TOPAZ1: variants seen among roughly 807,000 people sequenced by gnomAD.
TOPAZ1 encodes testis and ovary specific TOPAZ 1.
Under a neutral mutation model 172.2 loss-of-function variants are expected in TOPAZ1, and 66 were observed. The ratio of observed to expected loss-of-function variants is 0.38; its 90% CI spans 0.31 to 0.47. The LOEUF (loss-of-function observed/expected upper bound fraction) is 0.47. Ranked by LOEUF, TOPAZ1 falls within the 20% of genes least tolerant of loss-of-function variation. The pLI, the probability that TOPAZ1 is intolerant of heterozygous loss-of-function variation, is 0.99. For missense variants in TOPAZ1, 1,822 were observed against 1,972.4 expected (o/e 0.92, Z 1.44); for synonymous variants, 681 against 683.9 (o/e 1.00, Z 0.07).
intron 11 of TOPAZ1, among the ~76,000 whole-genome samples, chr3:44,289,477 A>G (rs549746785): frequency 8.9e-5 from 13 of 146,736 alleles, no homozygotes; most frequent in African/African-American, 2.9e-4. Flanking sequence ...AGTCATTTTT[A>G]CAGGATTTTT....
chr3:44,326,257 T>A (rs557959946), intron 18 of TOPAZ1, among the ~76,000 whole-genome samples: 280 of 152,336 alleles, frequency 1.8e-3, no homozygotes, highest in African/African-American at 6.4e-3. Context: ...CATTTTATAT[T>A]TATATTCCCA....
At chr3:44,287,324 C>T in intron 9 of TOPAZ1, 65 bp from the exon 10 acceptor site, 1 of 934,786 alleles carries the variant, frequency 1.1e-6, no homozygotes, top group Non-Finnish European at 1.4e-6. Flanking sequence ...GAAAAATTAT[C>T]AAATTTAAGA....
chr3:44,298,905 ATATATTTTTT>A (rs1309532795), intron 12 of TOPAZ1, among the ~76,000 whole-genome samples: 10 of 12,690 alleles, frequency 7.9e-4, no homozygotes, highest in African/African-American at 2.9e-3. Context: ...ATATATATAT[ATATATTTTTT>A]TTTTTTTTTT....
intron 4 of TOPAZ1, among the ~76,000 whole-genome samples, chr3:44,257,352 GGTGT>G (rs59827431): frequency 0.019 from 2,057 of 110,264 alleles, 21 homozygotes; most frequent in African/African-American, 0.026. Flanking sequence ...AAAACATAGG[GGTGT>G]GTGTGTGTGT....
chr3:44,273,784 A>G (rs759835603), intron 8 of TOPAZ1, among the ~76,000 whole-genome samples: 26 of 152,218 alleles, frequency 1.7e-4, no homozygotes, highest in Non-Finnish European at 3.2e-4. Context: ...ACACAAGCAA[A>G]CAAATCAATG....
In TOPAZ1 at chr3:44,274,282, G is replaced by A. The variant is rs528986824; in HGVS notation, c.3372+3472G>A. Among the ~76,000 whole-genome samples, 631 of 151,446 alleles carry A rather than the reference G, an allele frequency of 4.2e-3. 10 individuals carry two copies. Among genetic ancestry groups the A allele is most frequent in the African/African-American group, 0.015 (601 of 41,310 alleles). The stretch of plus-strand genomic sequence containing the variant: ...AAATTAGCTGGGCATGGTGGTGGGC[G>A]CCCAGCTACTTGGGAGGCTGAGGTA... On this transcript the variant is annotated intron_variant, in intron 8 of 19. Coordinates refer to ENST00000309765, the MANE Select transcript of TOPAZ1 (RefSeq NM_001145030.2).
chr3:44,285,076 G>A (rs963085132), intron 9 of TOPAZ1, among the ~76,000 whole-genome samples: 2 of 152,162 alleles, frequency 1.3e-5, no homozygotes, highest in Non-Finnish European at 2.9e-5. Flanking sequence ...TGATTCACTA[G>A]AATTATGCAT....
At chr3:44,320,556 CCACTG>C (rs764462722) in intron 16 of TOPAZ1, among the ~76,000 whole-genome samples, 13 of 152,130 alleles carry the variant, frequency 8.5e-5, no homozygotes, top group Admixed American at 6.5e-4. Flanking sequence ...CAAGATTGCG[CCACTG>C]CACTGCACTC....
rs1001667291 is a variant in TOPAZ1 at position 44,305,094 on chromosome 3, G to T, written c.3865-53G>T. ...GCCCTAAAGACATGTTTGCATAAAT[G>T]ACATAGTTTTCATTCTTTTTCTTTT... On this transcript the variant is annotated intron_variant, in intron 13 of 19. Coordinates refer to ENST00000309765, the MANE Select transcript of TOPAZ1 (RefSeq NM_001145030.2). 4 of 1,308,802 alleles carry T rather than the reference G, an allele frequency of 3.1e-6. No homozygotes were observed. In the Admixed American group the frequency reaches 1.1e-4, roughly 37 times the overall value. The allele number at this position is 1,308,802 out of a possible 1,614,324, so 81.1% of individuals were successfully genotyped here.
chr3:44,267,684 A>G (rs915004329), intron 6 of TOPAZ1, among the ~76,000 whole-genome samples: 1 of 152,204 alleles, frequency 6.6e-6, no homozygotes, highest in Non-Finnish European at 1.5e-5. Flanking sequence ...TATCTAAAAT[A>G]TATTTTGATG....
intron 8 of TOPAZ1, among the ~76,000 whole-genome samples, chr3:44,278,454 T>G (rs536678338): frequency 9.2e-5 from 14 of 152,262 alleles, no homozygotes; most frequent in African/African-American, 3.1e-4. Context: ...AAATTGGTAT[T>G]AGTTCTTCTT....
intron 12 of TOPAZ1, among the ~76,000 whole-genome samples, chr3:44,291,564 A>G (rs1224026460): frequency 1.3e-5 from 2 of 151,814 alleles, no homozygotes; most frequent in East Asian, 3.9e-4. Flanking sequence ...TCGCACCACT[A>G]CCTGGGCGAC....
intron 15 of TOPAZ1, 41 bp from the exon 16 acceptor site, chr3:44,309,784 A>C: frequency 7.5e-7 from 1 of 1,341,418 alleles, no homozygotes; most frequent in South Asian, 1.5e-5. Flanking sequence ...TGTGTTTGTA[A>C]ATGATTGATA....
chr3:44,306,698 C>A (rs1358392480), intron 15 of TOPAZ1, among the ~76,000 whole-genome samples: 2 of 151,986 alleles, frequency 1.3e-5, no homozygotes. Flanking sequence ...TGGACAGATT[C>A]CCATCTTTAA....
chr3:44,298,890 AT>A (rs1276580133), intron 12 of TOPAZ1, among the ~76,000 whole-genome samples: 4 of 24,874 alleles, frequency 1.6e-4, no homozygotes, highest in African/African-American at 6.6e-4. Flanking sequence ...ATGTATATAT[AT>A]TATATATATA....
chr3:44,282,493 C>T (rs148888079), intron 9 of TOPAZ1, among the ~76,000 whole-genome samples: 62 of 152,252 alleles, frequency 4.1e-4, no homozygotes, highest in African/African-American at 1.4e-3. Context: ...TCAGAGATGC[C>T]TCTGGTTCCA....
Position 44,244,202 on chromosome 3 carries a change from G to C in TOPAZ1, c.1696G>C (p.Asp566His). 6.5e-7 allele frequency: 1 copy of C among 1,550,184 alleles called. No individual in the cohort carries two copies. Among genetic ancestry groups the C allele is most frequent in the Non-Finnish European group, 8.7e-7 (1 of 1,146,228 alleles). ...NTESSSKEKL[D>H]SNSNCLSSVS... is the part of the protein sequence containing the mutation. ...TGAATCTTCAAGTAAAGAAAAATTA[G>C]ATTCTAATTCTAATTGTTTGTCTTC... Residue 566 changes from aspartate to histidine, a missense_variant, in exon 2 of 20, where the codon GAT becomes CAT. By Grantham distance (81) the Asp-to-His change is moderately conservative. Coordinates refer to ENST00000309765, the MANE Select transcript of TOPAZ1 (RefSeq NM_001145030.2).
At chr3:44,287,991 G>A (rs532458147) in intron 11 of TOPAZ1, among the ~76,000 whole-genome samples, 152 bp downstream of exon 11, 2 of 152,016 alleles carry the variant, frequency 1.3e-5, no homozygotes, top group African/African-American at 4.8e-5. Context: ...TTGAAATAGG[G>A]TTTATAAAAA....
chr3:44,290,728 AC>A, intron 11 of TOPAZ1, 42 bp from the exon 12 acceptor site: 2 of 1,292,538 alleles, frequency 1.5e-6, no homozygotes, highest in African/African-American at 3.0e-5. Context: ...CAATTCTGTC[AC>A]ATTTTTGTAA....
Sources: allele counts gnomAD v4.1 joint callset (sites outside exome capture counted in the v4.1 genomes callset), GRCh38; gene constraint gnomAD v4.1.1; transcripts MANE v1.5; gene names NCBI Gene and HGNC (gene_info 2026-07-23, HGNC 2026-07-21).